The following XKR6 variants were observed in gnomAD, a reference collection of about 807,000 sequenced individuals.
XKR6 encodes the protein XK-related protein 6.
A neutral mutation model predicts 56.7 loss-of-function variants in XKR6; 22 were observed. The ratio of observed to expected loss-of-function variants is 0.39; its 90% CI spans 0.28 to 0.55. The LOEUF is 0.55. XKR6 is among the 20% of genes least tolerant of loss of function. The pLI is 0.66. For synonymous variants in XKR6, 524 were observed against 387.8 expected (o/e 1.35, Z -4.13); for missense variants, 852 against 889.0 (o/e 0.96, Z 0.53).
At chr8:11,120,881 C>T (rs1040671276) in intron 1 of XKR6, among the ~76,000 whole-genome samples, 150 of 152,166 alleles carry the variant, frequency 9.9e-4, no homozygotes, top group South Asian at 1.2e-3. Flanking sequence ...GAAATAATGC[C>T]GCATATCTAC....
chr8:10,912,096 C>CTG lies in XKR6; in HGVS notation c.961+12536_961+12537dup, dbSNP rs980010194. Among the ~76,000 whole-genome samples the CTG allele has an allele frequency of 2.1e-5, 3 of 144,590 alleles. No homozygotes were observed. The Admixed American group carries it at 2.1e-4, about 10-fold the overall frequency. 94.9% of individuals were successfully genotyped at this position (144,590 alleles called of 152,430 possible). A position where few individuals can be genotyped will look rare whatever the true frequency, so the allele number is the denominator to read the frequency against. ...ACATAGAGAGGGTAAGTATATATAT[C>CTG]TGTGTGTGTGTATATATATAGAGAG... On this transcript the variant is annotated intron_variant, in intron 2 of 2. Transcript: ENST00000416569.
chr8:10,976,879 C>G (rs74442083), intron 1 of XKR6, among the ~76,000 whole-genome samples: 3,516 of 152,228 alleles, frequency 0.023, 157 homozygotes, highest in African/African-American at 0.08. Context: ...TGCCTGAGCC[C>G]CAGTGGGCTG....
chr8:10,964,733 C>T (rs1319153484), intron 1 of XKR6, among the ~76,000 whole-genome samples: 1 of 152,150 alleles, frequency 6.6e-6, no homozygotes, highest in Non-Finnish European at 1.5e-5. Context: ...AGGGCAGGGG[C>T]CCCTCATCCC....
intron 1 of XKR6, among the ~76,000 whole-genome samples, chr8:10,951,083 T>C (rs1014562740): frequency 6.6e-5 from 10 of 152,076 alleles, no homozygotes; most frequent in African/African-American, 2.4e-4. Context: ...CACCCATCCA[T>C]CCACGACCCC....
intron 1 of XKR6, among the ~76,000 whole-genome samples, chr8:11,120,084 G>T (rs1480226214): frequency 6.6e-6 from 1 of 152,328 alleles, no homozygotes; most frequent in East Asian, 1.9e-4. Flanking sequence ...ATAACATACT[G>T]AATGGACAAA....
intron 1 of XKR6, among the ~76,000 whole-genome samples, chr8:11,045,075 C>CT (rs5889356): frequency 0.059 from 2,108 of 36,028 alleles, 763 homozygotes; most frequent in African/African-American, 0.07. Flanking sequence ...TCAAATCACT[C>CT]TTTTTTTTTT....
intron 1 of XKR6, among the ~76,000 whole-genome samples, chr8:10,963,375 G>A (rs796514974): frequency 6.6e-5 from 10 of 152,294 alleles, no homozygotes; most frequent in African/African-American, 1.4e-4. Flanking sequence ...CTTATCTGCT[G>A]TACTTTTTTC....
chr8:10,913,014 AGAGAG>A (rs1343615228), intron 2 of XKR6, among the ~76,000 whole-genome samples: 1 of 147,584 alleles, frequency 6.8e-6, no homozygotes, highest in Non-Finnish European at 1.5e-5. Context: ...ATATACAGAG[AGAGAG>A]GAGAGAAAGG....
chr8:10,916,482 A>T (rs1019773000), intron 2 of XKR6, among the ~76,000 whole-genome samples: 1 of 152,266 alleles, frequency 6.6e-6, no homozygotes, highest in Non-Finnish European at 1.5e-5. Flanking sequence ...ATAAGAAAAA[A>T]GAAATCTCCC....
chr8:11,194,447 T>C (rs891526634), intron 1 of XKR6: 4 of 152,210 alleles, frequency 2.6e-5, no homozygotes, highest in African/African-American at 9.7e-5. Flanking sequence ...ACTTGTTAAA[T>C]GAGGTTATAT....
intron 1 of XKR6, among the ~76,000 whole-genome samples, chr8:11,021,111 A>C: frequency 6.6e-6 from 1 of 152,062 alleles, no homozygotes; most frequent in East Asian, 1.9e-4. Context: ...ATTTTAAACC[A>C]TCTCCATAAA....
At chr8:11,136,758 C>G (rs531141962) in intron 1 of XKR6, 170 of 152,230 alleles carry the variant, frequency 1.1e-3, no homozygotes, top group African/African-American at 4.1e-3. Context: ...CCTGGATTTC[C>G]CAGACCTCAG....
At chr8:11,023,302 G>A (rs1294630968) in intron 1 of XKR6, among the ~76,000 whole-genome samples, 1 of 152,226 alleles carries the variant, frequency 6.6e-6, no homozygotes, top group African/African-American at 2.4e-5. Context: ...GAAGCAGTGA[G>A]GCACCTCACA....
At chr8:11,107,862 T>A (rs1798737708) in intron 1 of XKR6, 2 of 169,710 alleles carry the variant, frequency 1.2e-5, no homozygotes, top group Non-Finnish European at 2.5e-5. Flanking sequence ...GTTACCAGTC[T>A]AATGCATAAA....
intron 1 of XKR6, among the ~76,000 whole-genome samples, chr8:10,969,268 C>A (rs1802326428): frequency 6.6e-6 from 1 of 152,188 alleles, no homozygotes; most frequent in Non-Finnish European, 1.5e-5. Context: ...CCACCACACC[C>A]ATAAACTGCC....
chr8:11,118,241 G>A (rs1799273313), intron 1 of XKR6, among the ~76,000 whole-genome samples: 1 of 4,720 alleles, frequency 2.1e-4, no homozygotes, highest in African/African-American at 8.9e-4. Flanking sequence ...TCAAGGGGAA[G>A]CTGGTTTAAA....
At position 11,167,890 on chromosome 8, in the gene XKR6, T is replaced by TA. The variant is rs34853825; in HGVS notation, c.764+32685dup. On this transcript the variant is annotated intron_variant, in intron 1 of 2. Transcript: ENST00000416569. ...GGTGACAGAGTAAGACCCCATCTCTTAAAAAAAAAAAAAAAAAAAAAACCA... is the reference window on the plus strand; with the variant it reads ...GGTGACAGAGTAAGACCCCATCTCTTAAAAAAAAAAAAAAAAAAAAAAACCA... Among the ~76,000 whole-genome samples the TA allele has an allele frequency of 7.2e-3, 784 of 108,254 alleles. 2 individuals are homozygous for TA. The highest frequency in any genetic ancestry group is 0.016 in the South Asian group (48 of 3,068). The allele number at this position is 108,254 out of a possible 152,430, so 71.0% of individuals were successfully genotyped here. A position where few individuals can be genotyped will look rare whatever the true frequency, so the allele number is the denominator to read the frequency against.
chr8:11,135,888 A>T (rs188504111), intron 1 of XKR6, among the ~76,000 whole-genome samples: 1 of 152,268 alleles, frequency 6.6e-6, no homozygotes, highest in Non-Finnish European at 1.5e-5. Flanking sequence ...AAAAGCAGAA[A>T]ATATTTCTCC....
chr8:11,112,277 C>G (rs756071242), intron 1 of XKR6, among the ~76,000 whole-genome samples: 13 of 152,290 alleles, frequency 8.5e-5, no homozygotes, highest in Non-Finnish European at 1.3e-4. Flanking sequence ...GCATCTCATA[C>G]TTTTAGAAAC....
Sources: allele counts gnomAD v4.1 joint callset (sites outside exome capture counted in the v4.1 genomes callset), GRCh38; gene constraint gnomAD v4.1.1; transcripts MANE v1.5; gene names NCBI Gene and HGNC (gene_info 2026-07-23, HGNC 2026-07-21).